VAX2: variants seen among roughly 807,000 people sequenced by gnomAD.
The protein encoded by VAX2 is ventral anterior homeobox 2.
Under a neutral mutation model 12.5 loss-of-function variants are expected in VAX2, and 8 were observed. The observed-to-expected ratio is 0.64, with a 90% CI of 0.37 to 1.15. The LOEUF (loss-of-function observed/expected upper bound fraction) is 1.15. Ranked by LOEUF, VAX2 falls within the 50% of genes most tolerant of loss-of-function variation. VAX2 has a pLI of 0.01. For synonymous variants in VAX2, 183 were observed against 187.6 expected (o/e 0.98, Z 0.20); for missense variants, 476 against 412.9 (o/e 1.15, Z -1.32).
At position 70,933,162 on chromosome 2, in the gene VAX2, G is replaced by C; in HGVS notation, c.831G>C (p.Arg277=). 1.3e-6 allele frequency: 2 copies of C among 1,546,134 alleles called. No individual in the cohort carries two copies. Among genetic ancestry groups the C allele is most frequent in the Non-Finnish European group, 1.7e-6 (2 of 1,149,280 alleles). ...SAFEPYSWLE[R]KVGSASSCKK... ...TCGAGCCATACAGCTGGCTAGAACG[G>C]AAAGTGGGCAGCGCCAGCAGCTGCA... The change falls in exon 3 of 3, where the codon CGG becomes CGC. Residue 277 remains arginine, a synonymous_variant. Coordinates refer to ENST00000234392, the MANE Select transcript of VAX2 (RefSeq NM_012476.3).
At chr2:70,914,969 T>A (rs1251613307) in intron 1 of VAX2, among the ~76,000 whole-genome samples, 1 of 151,970 alleles carries the variant, frequency 6.6e-6, no homozygotes, top group Admixed American at 6.6e-5. Context: ...CCCAGCTAAT[T>A]TTTTTATTTT....
intron 1 of VAX2, among the ~76,000 whole-genome samples, chr2:70,918,970 G>A (rs932493788): frequency 1.1e-4 from 17 of 151,898 alleles, no homozygotes; most frequent in Admixed American, 9.8e-4. Flanking sequence ...TTGGGAGGTC[G>A]AGGTGAGCAG....
intron 1 of VAX2, among the ~76,000 whole-genome samples, chr2:70,910,896 T>C (rs1322007602): frequency 1.3e-5 from 2 of 151,670 alleles, no homozygotes; most frequent in African/African-American, 4.8e-5. Flanking sequence ...CCACATTTAA[T>C]GGTTGTTCCT....
At chr2:70,925,622 G>T (rs921181777) in intron 2 of VAX2, among the ~76,000 whole-genome samples, 1 of 152,184 alleles carries the variant, frequency 6.6e-6, no homozygotes, top group African/African-American at 2.4e-5. Context: ...GAGAGTCTCT[G>T]TCAGAGCTCT....
At chr2:70,922,947 G>A (rs925254510) in intron 2 of VAX2, among the ~76,000 whole-genome samples, 1 of 152,266 alleles carries the variant, frequency 6.6e-6, no homozygotes, top group East Asian at 1.9e-4. Context: ...CCTCTTCCAG[G>A]AAGCCTTCTG....
chr2:70,929,913 GGATTCACTGGGCTTTGTTCACTGCT>G lies in VAX2; in HGVS notation c.436-2848_436-2824del, dbSNP rs531297443. Among the ~76,000 whole-genome samples the G allele has an allele frequency of 4.5e-3, 683 of 152,310 alleles. 2 individuals carry two copies. The highest frequency in any genetic ancestry group is 0.014 in the Middle Eastern group (4 of 294). ...CTCCACCGCCCACTCCACGTGGCAA[GGATTCACTGGGCTTTGTTCACTGCT>G]GATTCCCTGGGCCTCAATGTATATC... On this transcript the variant is annotated intron_variant, in intron 2 of 2. Transcript: ENST00000234392.
At chr2:70,907,773 C>T (rs1679093347) in intron 1 of VAX2, among the ~76,000 whole-genome samples, 1 of 152,228 alleles carries the variant, frequency 6.6e-6, no homozygotes, top group African/African-American at 2.4e-5. Context: ...CAGGAACAGC[C>T]ACTGTTTTCA....
rs146118364 is a variant in VAX2 at position 70,933,436 on chromosome 2, A to C, written c.*232A>C. 2.3e-3 allele frequency: 906 copies of C among 395,740 alleles called. 11 individuals are homozygous for C. The highest frequency in any genetic ancestry group is 3.5e-3 in the East Asian group (96 of 27,108). 24.5% of individuals were successfully genotyped at this position (395,740 alleles called of 1,614,324 possible). On this transcript the variant is annotated 3_prime_UTR_variant, in exon 3 of 3. Transcript: ENST00000234392. Reference sequence around the variant, plus strand: ...ACTGAAATAAAAGGAAAACAATGACAAGAAGGGAAATGGTGCCCACAGCAC... The same window carrying C: ...ACTGAAATAAAAGGAAAACAATGACCAGAAGGGAAATGGTGCCCACAGCAC...
At chr2:70,927,813 G>C (rs976818728) in intron 2 of VAX2, among the ~76,000 whole-genome samples, 6 of 152,028 alleles carry the variant, frequency 3.9e-5, no homozygotes, top group African/African-American at 1.2e-4. Flanking sequence ...GATCGCGGAG[G>C]GGGGCGGGGC....
chr2:70,907,304 T>C (rs1679082134), intron 1 of VAX2, among the ~76,000 whole-genome samples: 1 of 152,244 alleles, frequency 6.6e-6, no homozygotes, highest in African/African-American at 2.4e-5. Context: ...AGCGGAGGTC[T>C]TGGGAAGCGC....
intron 2 of VAX2, among the ~76,000 whole-genome samples, chr2:70,922,046 C>T (rs187476534): frequency 1.1e-4 from 16 of 152,254 alleles, no homozygotes; most frequent in Admixed American, 6.5e-5. Context: ...CCATGTTACA[C>T]GTGAAAGGAA....
intron 2 of VAX2, among the ~76,000 whole-genome samples, chr2:70,926,974 C>T (rs1038377866): frequency 4.6e-5 from 7 of 152,278 alleles, no homozygotes; most frequent in South Asian, 4.1e-4. Context: ...TGATTCTCCA[C>T]GATAGTTTGC....
chr2:70,903,991 C>G (rs1408912324), intron 1 of VAX2, among the ~76,000 whole-genome samples: 1 of 152,230 alleles, frequency 6.6e-6, no homozygotes, highest in African/African-American at 2.4e-5. Context: ...AGAGGCCAAA[C>G]GTGGTGCGTC....
rs71400960 is a variant in VAX2 at position 70,921,587 on chromosome 2, TG to T, written c.435+309del. 5.9e-5 allele frequency among the ~76,000 whole-genome samples: 9 copies of T among 151,846 alleles called. No individual in the cohort carries two copies. In the East Asian group the frequency reaches 1.2e-3, roughly 20 times the overall value. ...AGCCCTCAGGGCACAGGGAGTGGCT[TG>T]GGGGGGTGTTGGCATGTAAGAGGAG... On this transcript the variant is annotated intron_variant, in intron 2 of 2. Transcript: ENST00000234392.
rs1445008715 is a variant in VAX2, at chr2:70,904,034, C to T, written c.247+3166C>T. Among the ~76,000 whole-genome samples, 1 of 152,216 alleles carries T rather than the reference C, an allele frequency of 6.6e-6. No homozygotes were observed. The highest frequency in any genetic ancestry group is 1.5e-5 in the Non-Finnish European group (1 of 68,044). ...TCAAAATGAAGACTCCTACATGTCA[C>T]ACATGGGCACGGACCAGAGCTGCTG... On this transcript the variant is annotated intron_variant, in intron 1 of 2. Transcript: ENST00000234392. The surrounding 1 kb of genome is among the most constrained non-coding windows in gnomAD (Gnocchi z 4.2).
chr2:70,914,198 A>T (rs1360951677), intron 1 of VAX2, among the ~76,000 whole-genome samples: 1 of 152,214 alleles, frequency 6.6e-6, no homozygotes, highest in Non-Finnish European at 1.5e-5. Flanking sequence ...CTGTAATCCC[A>T]GCATTTTGGG....
At chr2:70,905,329 T>C (rs1239218066) in intron 1 of VAX2, among the ~76,000 whole-genome samples, 2 of 152,150 alleles carry the variant, frequency 1.3e-5, no homozygotes, top group Admixed American at 6.5e-5. Context: ...GAGGGTTTCT[T>C]TTTTGTTTGT....
rs538419859 is a variant in VAX2 at position 70,909,781 on chromosome 2, T to A, written c.247+8913T>A. 1.1e-4 allele frequency among the ~76,000 whole-genome samples: 17 copies of A among 152,308 alleles called. No homozygotes were observed. In the South Asian group the frequency reaches 3.5e-3, roughly 32 times the overall value. On this transcript the variant is annotated intron_variant, in intron 1 of 2. Coordinates refer to ENST00000234392, the MANE Select transcript of VAX2 (RefSeq NM_012476.3). ...AGGATTCCGTTATGTAGATATCATA[T>A]AACTTATTTAACTAGTCCTCTATTA...
At chr2:70,907,924 GA>G (rs1679096250) in intron 1 of VAX2, among the ~76,000 whole-genome samples, 1 of 152,224 alleles carries the variant, frequency 6.6e-6, no homozygotes, top group Non-Finnish European at 1.5e-5. Flanking sequence ...CTTCTCTGCT[GA>G]ACCAGTTCTT....
Sources: allele counts gnomAD v4.1 joint callset (sites outside exome capture counted in the v4.1 genomes callset), GRCh38; gene constraint gnomAD v4.1.1; non-coding constraint Gnocchi (gnomAD v3.1); transcripts MANE v1.5; gene names NCBI Gene and HGNC (gene_info 2026-07-23, HGNC 2026-07-21).